The following SCLY variants were observed in gnomAD, a reference collection of about 807,000 sequenced individuals.
The protein encoded by SCLY is selenocysteine lyase.
Under a neutral mutation model 50.1 loss-of-function variants are expected in SCLY, and 38 were observed. The observed-to-expected ratio is 0.76, with a 90% CI of 0.59 to 0.99. The LOEUF is 0.99. Ranked by LOEUF, SCLY falls within the 50% of genes least tolerant of loss-of-function variation. The pLI, the probability that SCLY is intolerant of heterozygous loss-of-function variation, is 0.00. For missense variants in SCLY, 600 were observed against 620.0 expected, an observed-to-expected ratio of 0.97 and a Z score of 0.34; for synonymous variants, 243 against 249.4, an observed-to-expected ratio of 0.97 and a Z score of 0.24.
In SCLY at chr2:238,099,246, A is replaced by C. The variant is rs1475582592; in HGVS notation, c.*891A>C. 2.1e-6 allele frequency: 1 copy of C among 471,398 alleles called. No individual in the cohort carries two copies. Among genetic ancestry groups the C allele is most frequent in the Admixed American group, 2.4e-5 (1 of 42,506 alleles). The allele number at this position is 471,398 out of a possible 1,614,324, so 29.2% of individuals were successfully genotyped here. The stretch of plus-strand genomic sequence containing the variant: ...TATTTGCAGAGGATTCTTTTCTCAA[A>C]ATGCTCTGGCATTTGGACACACATC... On this transcript the variant is annotated 3_prime_UTR_variant, in exon 12 of 12. Transcript: ENST00000254663.
chr2:238,086,595 ACT>A (rs1180907142), intron 7 of SCLY, among the ~76,000 whole-genome samples: 2 of 150,722 alleles, frequency 1.3e-5, no homozygotes, highest in Non-Finnish European at 2.9e-5. Flanking sequence ...AGTCCCAGCT[ACT>A]CAGGAGGCTG....
At chr2:238,090,221 AC>A (rs1187813184) in intron 7 of SCLY, among the ~76,000 whole-genome samples, 1 of 152,224 alleles carries the variant, frequency 6.6e-6, no homozygotes, top group African/African-American at 2.4e-5. Context: ...ACCAGATATC[AC>A]TAACACCTAT....
At position 238,081,999 on chromosome 2, in the gene SCLY, T is replaced by G. The variant is rs753936849; in HGVS notation, c.613-46T>G. On this transcript the variant is annotated intron_variant, in intron 5 of 11. Transcript: ENST00000254663. ...ACTCCTGATTTCTGTCATTCAGTTTTCATCAGATCGGAGCAACATACTCAA... is the reference window on the plus strand; with the variant it reads ...ACTCCTGATTTCTGTCATTCAGTTTGCATCAGATCGGAGCAACATACTCAA... The G allele has an allele frequency of 3.1e-6, 5 of 1,592,264 alleles. No homozygotes were observed. In the East Asian group the frequency reaches 9.0e-5, roughly 29 times the overall value.
chr2:238,063,945 G>A (rs914723766), intron 1 of SCLY, among the ~76,000 whole-genome samples: 3 of 152,036 alleles, frequency 2.0e-5, no homozygotes, highest in Non-Finnish European at 2.9e-5. Flanking sequence ...TGTGTTGCCC[G>A]GGCTGGAGTG....
rs1436410616 is a variant in SCLY, at chr2:238,082,151, A to G, written c.719A>G (p.Lys240Arg). 1 of 1,612,614 alleles carries G rather than the reference A, an allele frequency of 6.2e-7. No homozygotes were observed. Among genetic ancestry groups the G allele is most frequent in the East Asian group, 2.2e-5 (1 of 44,876 alleles). The change falls in exon 6 of 12, where the codon AAG becomes AGG. Residue 240 changes from lysine to arginine, a missense_variant. Physicochemically the swap from Lys to Arg is conservative, Grantham distance 26 (BLOSUM62 2). Coordinates refer to ENST00000254663, the MANE Select transcript of SCLY (RefSeq NM_016510.7). ...VHTDAAQALG[K>R]QRVDVEDLGV... is the part of the protein sequence containing the mutation. Reference sequence around the variant, plus strand: ...ACGGATGCTGCACAGGCCTTGGGGAAGCAGCGCGTGGATGTGGAGGACCTG... The same window carrying G: ...ACGGATGCTGCACAGGCCTTGGGGAGGCAGCGCGTGGATGTGGAGGACCTG...
intron 1 of SCLY, among the ~76,000 whole-genome samples, chr2:238,061,835 T>C (rs536856587): frequency 6.6e-6 from 1 of 152,278 alleles, no homozygotes; most frequent in African/African-American, 2.4e-5. Flanking sequence ...GTATCCATAC[T>C]AGTTAAGTCC....
At chr2:238,094,190 G>A in intron 9 of SCLY, 1 of 611,694 alleles carries the variant, frequency 1.6e-6, no homozygotes, top group Non-Finnish European at 2.9e-6. Context: ...AATATGCAGA[G>A]GTGGTATACC....
In SCLY at chr2:238,069,488, G is replaced by A; in HGVS notation, c.484+11G>A. On this transcript the variant is annotated intron_variant, in intron 4 of 11. Transcript: ENST00000254663. The surrounding 1 kb of genome is among the most constrained non-coding windows in gnomAD (Gnocchi z 5.0). ...AAGAACAAGTGGCAGGTGAGTGAGT[G>A]CAGGGTGGCCCTGGGACCAGCCTGC... 1 of 1,601,972 alleles carries A rather than the reference G, an allele frequency of 6.2e-7. No homozygotes were observed. The highest frequency in any genetic ancestry group is 8.5e-7 in the Non-Finnish European group (1 of 1,174,142).
intron 8 of SCLY, chr2:238,091,539 T>TACAC: frequency 1.2e-5 from 5 of 401,106 alleles, no homozygotes; most frequent in South Asian, 6.3e-5. Context: ...AGTGTCAAGC[T>TACAC]GCAGGTTCAC....
Position 238,069,383 on chromosome 2 carries a change from A to G in SCLY, c.390A>G (p.Pro130=), listed in dbSNP as rs772230254. 1 of 1,614,216 alleles carries G rather than the reference A, an allele frequency of 6.2e-7. No homozygotes were observed. Among genetic ancestry groups the G allele is most frequent in the South Asian group, 1.1e-5 (1 of 91,066 alleles). The change falls in exon 4 of 12, where the codon CCA becomes CCG. Residue 130 remains proline, a synonymous_variant. Transcript: ENST00000254663. This position sits in a 1 kb window ranked among gnomAD's most constrained non-coding sequence, Gnocchi z 5.0. ...SKGHTGGHHS[P]VKGAKPHFIT... Reference sequence around the variant, plus strand: ...GACACACAGGTGGGCACCACAGCCCAGTGAAGGGGGCCAAGCCCCATTTCA... The same window carrying G: ...GACACACAGGTGGGCACCACAGCCCGGTGAAGGGGGCCAAGCCCCATTTCA...
intron 7 of SCLY, among the ~76,000 whole-genome samples, chr2:238,087,690 T>C (rs972564440): frequency 1.2e-4 from 10 of 80,482 alleles, no homozygotes; most frequent in African/African-American, 5.0e-4. Flanking sequence ...TAAAACCAGA[T>C]AAAGACAGTA....
At chr2:238,091,171 T>C (rs1206406131) in intron 7 of SCLY, 47 bp from the exon 8 acceptor site, 76 of 1,511,674 alleles carry the variant, frequency 5.0e-5, no homozygotes, top group Non-Finnish European at 6.8e-5. Flanking sequence ...ACAGGATTCC[T>C]TCCTGAGACA....
chr2:238,070,206 A>T (rs76513880), intron 4 of SCLY, among the ~76,000 whole-genome samples: 272 of 150,086 alleles, frequency 1.8e-3, no homozygotes, highest in African/African-American at 6.4e-3. Flanking sequence ...ATTAACTTGT[A>T]AAAATGGGGC....
chr2:238,098,121 G>T, intron 11 of SCLY, 81 bp from the exon 12 acceptor site: 1 of 1,513,180 alleles, frequency 6.6e-7, no homozygotes. Context: ...GCCCCACTAG[G>T]GGAGTGGTCC....
Position 238,098,621 on chromosome 2 carries a change from G to GAACGCCCACATGGGAACGCCCACATAGA in SCLY, c.*267_*268insACGCCCACATGGGAACGCCCACATAGAA, listed in dbSNP as rs1553568619. ...CGCCCACATAGGACCGCCCACATGGGACCGCCCACATGGGACCGCCCACAT... is the reference window on the plus strand; with the variant it reads ...CGCCCACATAGGACCGCCCACATGGGAACGCCCACATGGGAACGCCCACATAGAACCGCCCACATGGGACCGCCCACAT... On this transcript the variant is annotated 3_prime_UTR_variant, in exon 12 of 12. Transcript: ENST00000254663. 19 of 308,782 alleles carry GAACGCCCACATGGGAACGCCCACATAGA rather than the reference G, an allele frequency of 6.2e-5. 1 individual carries two copies. The highest frequency in any genetic ancestry group is 5.7e-4 in the African/African-American group (19 of 33,068). 19.1% of individuals were successfully genotyped at this position (308,782 alleles called of 1,614,324 possible).
chr2:238,096,840 G>A lies in SCLY; in HGVS notation c.1148G>A (p.Ser383Asn). Residue 383 changes from serine (S) to asparagine (N), a missense_variant, in exon 11 of 12, where the codon AGT (serine) becomes AAT (asparagine). Coordinates refer to ENST00000254663, the MANE Select transcript of SCLY (RefSeq NM_016510.7). Reference protein sequence around the residue: ...VLAQCRVLMASVGAACHSDHG... With the variant: ...VLAQCRVLMANVGAACHSDHG... ...GCGCAGTGCCGAGTGCTGATGGCCA[G>A]TGTGGGGGCCGCGTGCCACTCGGAC... The A allele has an allele frequency of 6.2e-7, 1 of 1,612,702 alleles. No homozygotes were observed. Among genetic ancestry groups the A allele is most frequent in the Non-Finnish European group, 8.5e-7 (1 of 1,179,682 alleles).
At chr2:238,070,832 CTTTTT>C (rs747025163) in intron 4 of SCLY, among the ~76,000 whole-genome samples, 1 of 144,850 alleles carries the variant, frequency 6.9e-6, no homozygotes, top group East Asian at 2.0e-4. Flanking sequence ...TTTTTGGTAC[CTTTTT>C]TTTTTTTTCT....
rs546042312 is a variant in SCLY at position 238,064,646 on chromosome 2, G to A, written c.202+177G>A. The A allele has an allele frequency of 8.3e-6, 4 of 483,650 alleles. No individual in the cohort carries two copies. The East Asian group carries it at 1.1e-4, about 13-fold the overall frequency. The allele number at this position is 483,650 out of a possible 1,614,324, so 30.0% of individuals were successfully genotyped here. On this transcript the variant is annotated intron_variant, in intron 2 of 11. Transcript: ENST00000254663. ...TGGGAAGGCCCCATTTGTAAGCTGAGCCTTGTCGATACTGTAATCTTTAAC... is the reference window on the plus strand; with the variant it reads ...TGGGAAGGCCCCATTTGTAAGCTGAACCTTGTCGATACTGTAATCTTTAAC...
At chr2:238,080,593 G>C (rs1394573347) in intron 4 of SCLY, 1 of 152,364 alleles carries the variant, frequency 6.6e-6, no homozygotes, top group Non-Finnish European at 1.5e-5. Flanking sequence ...AGCTGCCTTT[G>C]CTTTGCTCCT....
Sources: allele counts gnomAD v4.1 joint callset (sites outside exome capture counted in the v4.1 genomes callset), GRCh38; gene constraint gnomAD v4.1.1; non-coding constraint Gnocchi (gnomAD v3.1); transcripts MANE v1.5; gene names NCBI Gene and HGNC (gene_info 2026-07-23, HGNC 2026-07-21).